The following MDGA2 variants were observed in gnomAD, a reference collection of about 807,000 sequenced individuals.
MDGA2 encodes MAM domain containing glycosylphosphatidylinositol anchor 2.
MDGA2 carries 40 observed loss-of-function variants against 117.8 expected under a neutral mutation model. The observed-to-expected ratio is 0.34, with a 90% confidence interval of 0.26 to 0.44. The LOEUF is 0.44. MDGA2 is among the 20% of genes least tolerant of loss of function. The pLI is 1.00. For synonymous variants in MDGA2, 452 were observed against 439.0 expected (o/e 1.03, Z -0.37); for missense variants, 1,123 against 1,250.6 (o/e 0.90, Z 1.54).
At chr14:47,006,218 T>A (rs1198796755) in intron 8 of MDGA2, among the ~76,000 whole-genome samples, 1 of 151,250 alleles carries the variant, frequency 6.6e-6, no homozygotes, top group Non-Finnish European at 1.5e-5. Flanking sequence ...GGTCAGTTAA[T>A]CTCAGGTATC....
Position 46,957,586 on chromosome 14 carries a change from A to C in MDGA2, c.1877T>G (p.Val626Gly). 1.2e-6 allele frequency: 2 copies of C among 1,614,158 alleles called. No homozygotes were observed. Among genetic ancestry groups the C allele is most frequent in the Non-Finnish European group, 1.7e-6 (2 of 1,180,008 alleles). ...LEIRQGQDRSVTMSCRVLRAY... is the reference protein window; with the variant it reads ...LEIRQGQDRSGTMSCRVLRAY... Reference sequence around the variant, plus strand: ...TCTCAGTACTCTGCAACTCATAGTGACACTTCGATCCTGTCCTTGCCGGAT... The same window carrying C: ...TCTCAGTACTCTGCAACTCATAGTGCCACTTCGATCCTGTCCTTGCCGGAT... Residue 626 changes from valine to glycine, a missense_variant, in exon 9 of 17, where the codon GTC (valine) becomes GGC (glycine). Physicochemically the swap from Val to Gly is moderately radical, Grantham distance 109. Coordinates refer to ENST00000399232, the MANE Select transcript of MDGA2 (RefSeq NM_001113498.3).
intron 1 of MDGA2, among the ~76,000 whole-genome samples, chr14:47,546,191 A>G (rs1469653317): frequency 6.6e-6 from 1 of 152,194 alleles, no homozygotes; most frequent in East Asian, 1.9e-4. Context: ...TTTAACATGA[A>G]CTTGGAAAAC....
chr14:47,121,563 T>C (rs1054397770), intron 5 of MDGA2, among the ~76,000 whole-genome samples: 6 of 152,142 alleles, frequency 3.9e-5, no homozygotes, highest in African/African-American at 1.4e-4. Flanking sequence ...ATTGATGAGC[T>C]AGATGATATT....
intron 1 of MDGA2, among the ~76,000 whole-genome samples, chr14:47,530,683 T>C (rs574004846): frequency 6.6e-6 from 1 of 152,184 alleles, no homozygotes; most frequent in East Asian, 1.9e-4. Context: ...CTATCTTGTG[T>C]GTGTCTATTA....
At chr14:47,064,615 G>A (rs1890013835) in intron 6 of MDGA2, among the ~76,000 whole-genome samples, 1 of 151,910 alleles carries the variant, frequency 6.6e-6, no homozygotes, top group Non-Finnish European at 1.5e-5. Context: ...GTCCAAGATG[G>A]GCAATCTAAT....
intron 1 of MDGA2, among the ~76,000 whole-genome samples, chr14:47,537,014 A>G (rs1895226053): frequency 6.6e-6 from 1 of 152,166 alleles, no homozygotes; most frequent in African/African-American, 2.4e-5. Flanking sequence ...CATGTAATTA[A>G]AGCTTATAGA....
chr14:47,399,613 C>A (rs538490996), intron 1 of MDGA2, among the ~76,000 whole-genome samples: 2 of 152,050 alleles, frequency 1.3e-5, no homozygotes, highest in Admixed American at 1.3e-4. Flanking sequence ...GCACACATAA[C>A]ACATTTATAG....
chr14:47,494,854 T>C (rs1594885959), intron 1 of MDGA2, among the ~76,000 whole-genome samples: 3 of 148,756 alleles, frequency 2.0e-5, no homozygotes, highest in Non-Finnish European at 3.0e-5. Context: ...CTATCAACTG[T>C]TGACTGAATT....
chr14:47,428,079 G>GA (rs1365726236), intron 1 of MDGA2, among the ~76,000 whole-genome samples: 1 of 152,012 alleles, frequency 6.6e-6, no homozygotes, highest in Non-Finnish European at 1.5e-5. Flanking sequence ...TGTTCACAAG[G>GA]AAACTTTCCT....
At chr14:47,420,966 A>T (rs2138506538) in intron 1 of MDGA2, among the ~76,000 whole-genome samples, 1 of 152,230 alleles carries the variant, frequency 6.6e-6, no homozygotes. Flanking sequence ...CAAAGAAAAC[A>T]TGCCTATTTC....
chr14:47,580,969 G>A (rs1896219266), intron 1 of MDGA2, among the ~76,000 whole-genome samples: 2 of 151,982 alleles, frequency 1.3e-5, no homozygotes, highest in Admixed American at 1.3e-4. Context: ...TTGCTAATAA[G>A]TTTGAATAGC....
chr14:47,101,202 A>C (rs1395594958), intron 5 of MDGA2, among the ~76,000 whole-genome samples: 1 of 152,164 alleles, frequency 6.6e-6, no homozygotes, highest in Non-Finnish European at 1.5e-5. Context: ...AGAGAGAAAG[A>C]AAAGGAAAGA....
chr14:47,045,325 C>A (rs1394428533), intron 7 of MDGA2, among the ~76,000 whole-genome samples: 2 of 151,908 alleles, frequency 1.3e-5, no homozygotes, highest in African/African-American at 4.8e-5. Context: ...CTAACTTGAG[C>A]ATATAATAAA....
At chr14:47,318,101 C>A (rs1391477875) in intron 1 of MDGA2, among the ~76,000 whole-genome samples, 1 of 152,086 alleles carries the variant, frequency 6.6e-6, no homozygotes, top group Non-Finnish European at 1.5e-5. Context: ...ATCTCTCACT[C>A]CAACCACTGC....
chr14:46,984,718 T>C (rs1428425190), intron 8 of MDGA2, among the ~76,000 whole-genome samples: 1 of 152,052 alleles, frequency 6.6e-6, no homozygotes, highest in African/African-American at 2.4e-5. Context: ...AGATGAATAG[T>C]TAGTTGGAAT....
intron 3 of MDGA2, among the ~76,000 whole-genome samples, chr14:47,196,933 CTG>C (rs1885307947): frequency 6.6e-6 from 1 of 152,124 alleles, no homozygotes; most frequent in Admixed American, 6.5e-5. Flanking sequence ...TTTTCTGTTC[CTG>C]TGTTAGTTCA....
intron 1 of MDGA2, among the ~76,000 whole-genome samples, chr14:47,501,676 A>G (rs1274393524): frequency 6.6e-6 from 1 of 152,188 alleles, no homozygotes; most frequent in Admixed American, 6.5e-5. Flanking sequence ...AAAGGGAAAG[A>G]TCTGGATACA....
chr14:47,572,005 C>A (rs148875829), intron 1 of MDGA2, among the ~76,000 whole-genome samples: 1 of 152,328 alleles, frequency 6.6e-6, no homozygotes, highest in East Asian at 1.9e-4. Flanking sequence ...AAAGTATATG[C>A]AGTCAGAATA....
chr14:47,098,107 G>A (rs1199047130), intron 5 of MDGA2, among the ~76,000 whole-genome samples: 2 of 151,586 alleles, frequency 1.3e-5, no homozygotes, highest in Admixed American at 1.3e-4. Context: ...AGTTAGAGCT[G>A]TATTATATGA....
Sources: gnomAD v4.1 joint callset for allele counts (sites outside exome capture counted in the v4.1 genomes callset) on GRCh38, gnomAD v4.1.1 for gene constraint, MANE v1.5 for transcripts, NCBI Gene and HGNC (gene_info 2026-07-23, HGNC 2026-07-21) for gene names.